HNF1B: variants seen among roughly 807,000 people sequenced by gnomAD.
HNF1B encodes HNF1 homeobox B.
In HNF1B, 8 loss-of-function variants were observed where a neutral mutation model predicts 61.7. The ratio of observed to expected loss-of-function variants is 0.13; its 90% CI spans 0.08 to 0.23. The LOEUF (loss-of-function observed/expected upper bound fraction) is 0.23. Among genes scored for constraint, HNF1B ranks in the 10% least tolerant of loss-of-function variants. The pLI, the probability that HNF1B is intolerant of heterozygous loss-of-function variation, is 1.00. For synonymous variants in HNF1B, 314 were observed against 287.7 expected, an observed-to-expected ratio of 1.09 and a Z score of -0.93; for missense variants, 562 against 714.5, an observed-to-expected ratio of 0.79 and a Z score of 2.43.
chr17:37,698,673 G>C (rs1366273549), intron 8 of HNF1B, among the ~76,000 whole-genome samples: 1 of 152,130 alleles, frequency 6.6e-6, no homozygotes, highest in Non-Finnish European at 1.5e-5. Context: ...TGACTACTTT[G>C]TGGATCCTCA....
At position 37,733,831 on chromosome 17, in the gene HNF1B, G is replaced by A. The variant is rs2033759075; in HGVS notation, c.545-10C>T. On this transcript the variant is annotated splice_polypyrimidine_tract_variant and intron_variant, in intron 2 of 8. Coordinates refer to ENST00000617811, the MANE Select transcript of HNF1B (RefSeq NM_000458.4). Reference sequence around the variant, plus strand: ...ACTGTCTGGTTGAATTCTGAAAAGAGAAAGGAGTAGATTTGATAGGGTCTG... The same window carrying A: ...ACTGTCTGGTTGAATTCTGAAAAGAAAAAGGAGTAGATTTGATAGGGTCTG... 6.2e-7 allele frequency: 1 copy of A among 1,613,930 alleles called. No homozygotes were observed. The highest frequency in any genetic ancestry group is 8.5e-7 in the Non-Finnish European group (1 of 1,180,018).
chr17:37,699,640 C>G (rs958001155), intron 7 of HNF1B, among the ~76,000 whole-genome samples: 1 of 152,172 alleles, frequency 6.6e-6, no homozygotes, highest in African/African-American at 2.4e-5. Context: ...CCAGGCCTCG[C>G]CACTGAGGAA....
chr17:37,726,231 A>T (rs772916883), intron 4 of HNF1B, among the ~76,000 whole-genome samples: 2 of 152,134 alleles, frequency 1.3e-5, no homozygotes, highest in African/African-American at 2.4e-5. Context: ...GCAAAAAGAG[A>T]TGGACAGTGT....
At chr17:37,735,774 T>C (rs921696393) in intron 2 of HNF1B, among the ~76,000 whole-genome samples, 1 of 152,206 alleles carries the variant, frequency 6.6e-6, no homozygotes, top group African/African-American at 2.4e-5. Flanking sequence ...TTTTTCTTTT[T>C]TTCAAACAAG....
intron 4 of HNF1B, among the ~76,000 whole-genome samples, chr17:37,718,439 G>C (rs1402390145): frequency 6.6e-6 from 1 of 152,222 alleles, no homozygotes; most frequent in African/African-American, 2.4e-5. Context: ...CCTCACATCT[G>C]AGAGTATGTT....
intron 4 of HNF1B, among the ~76,000 whole-genome samples, chr17:37,718,998 T>TGC (rs2033216200): frequency 6.6e-6 from 1 of 152,178 alleles, no homozygotes; most frequent in African/African-American, 2.4e-5. Context: ...ACTGTGGTGG[T>TGC]GCAATCACAG....
At chr17:37,712,515 G>T (rs537631715) in intron 4 of HNF1B, among the ~76,000 whole-genome samples, 1 of 152,102 alleles carries the variant, frequency 6.6e-6, no homozygotes, top group South Asian at 2.1e-4. Flanking sequence ...GTTGTTACAT[G>T]AAAGAAGAAA....
intron 8 of HNF1B, among the ~76,000 whole-genome samples, chr17:37,690,629 C>G (rs2032168258): frequency 6.6e-6 from 1 of 152,094 alleles, no homozygotes; most frequent in African/African-American, 2.4e-5. Context: ...TATTGAGAGA[C>G]TGATGTGATG....
intron 4 of HNF1B, among the ~76,000 whole-genome samples, chr17:37,716,888 G>C (rs1322232608): frequency 2.0e-4 from 22 of 110,476 alleles, no homozygotes; most frequent in Admixed American, 3.8e-4. Flanking sequence ...CTCTCTCTCT[G>C]CCATAACTCT....
At chr17:37,721,593 C>A (rs755737617) in intron 4 of HNF1B, among the ~76,000 whole-genome samples, 21 of 152,140 alleles carry the variant, frequency 1.4e-4, no homozygotes, top group Non-Finnish European at 2.4e-4. Flanking sequence ...AGGCCCCTCA[C>A]CCCGGCTGCT....
rs1230199176 is a variant in HNF1B at position 37,686,552 on chromosome 17, C to G, written c.*820G>C. 1 of 152,544 alleles carries G rather than the reference C, an allele frequency of 6.6e-6. No homozygotes were observed. The highest frequency in any genetic ancestry group is 2.4e-5 in the African/African-American group (1 of 41,416). 9.4% of individuals were successfully genotyped at this position (152,544 alleles called of 1,614,324 possible). A position where few individuals can be genotyped will look rare whatever the true frequency, so the allele number is the denominator to read the frequency against. On this transcript the variant is annotated 3_prime_UTR_variant, in exon 9 of 9. Transcript: ENST00000617811. Reference sequence around the variant, plus strand: ...AGGGAGTGCACGGCTGAGCTCCTGGCCCACAGGAAGCTGGCATGTTACTCT... The same window carrying G: ...AGGGAGTGCACGGCTGAGCTCCTGGGCCACAGGAAGCTGGCATGTTACTCT...
intron 1 of HNF1B, among the ~76,000 whole-genome samples, chr17:37,743,328 C>G (rs889293572): frequency 2.0e-5 from 3 of 152,250 alleles, no homozygotes; most frequent in Admixed American, 1.3e-4. Flanking sequence ...TCGCGGAACT[C>G]TCTTGCAGGA....
chr17:37,697,278 C>A (rs1255470089), intron 8 of HNF1B, among the ~76,000 whole-genome samples: 1 of 152,190 alleles, frequency 6.6e-6, no homozygotes, highest in African/African-American at 2.4e-5. Context: ...GTGTAATAAT[C>A]ATCCTCATCA....
At chr17:37,740,239 G>A (rs1016101781) in intron 1 of HNF1B, among the ~76,000 whole-genome samples, 12 of 152,098 alleles carry the variant, frequency 7.9e-5, no homozygotes, top group African/African-American at 2.4e-4. Flanking sequence ...AAAGTGCTGG[G>A]ATTACAGACG....
intron 4 of HNF1B, among the ~76,000 whole-genome samples, chr17:37,725,853 T>G (rs1006583176): frequency 6.6e-6 from 1 of 152,210 alleles, no homozygotes; most frequent in Non-Finnish European, 1.5e-5. Context: ...AGAAGCCCCA[T>G]TAAGTTGTTA....
chr17:37,732,933 G>A (rs573999208), intron 3 of HNF1B, among the ~76,000 whole-genome samples: 8 of 151,300 alleles, frequency 5.3e-5, no homozygotes, highest in African/African-American at 9.7e-5. Flanking sequence ...CTCCCGCCTC[G>A]GCCTCCCAAA....
intron 7 of HNF1B, among the ~76,000 whole-genome samples, chr17:37,699,532 T>C (rs1437833259): frequency 6.6e-6 from 1 of 152,212 alleles, no homozygotes; most frequent in Non-Finnish European, 1.5e-5. Flanking sequence ...GGTTATTTCC[T>C]GGTCCAGGGC....
intron 4 of HNF1B, among the ~76,000 whole-genome samples, chr17:37,713,415 T>C (rs763592518): frequency 4.6e-5 from 7 of 152,220 alleles, no homozygotes; most frequent in Non-Finnish European, 1.5e-5. Flanking sequence ...CAAGGGAGCA[T>C]GTCAGGAGAG....
intron 7 of HNF1B, among the ~76,000 whole-genome samples, chr17:37,700,705 G>A (rs1489700962): frequency 6.6e-6 from 1 of 152,182 alleles, no homozygotes; most frequent in Non-Finnish European, 1.5e-5. Flanking sequence ...GGCGGTGTGT[G>A]TTCCACATGC....
Sources: gnomAD v4.1 joint callset for allele counts (sites outside exome capture counted in the v4.1 genomes callset) on GRCh38, gnomAD v4.1.1 for gene constraint, MANE v1.5 for transcripts, NCBI Gene and HGNC (gene_info 2026-07-23, HGNC 2026-07-21) for gene names.